XRCC4: variants seen among roughly 807,000 people sequenced by gnomAD.
The protein encoded by XRCC4 is X-ray repair cross complementing 4.
XRCC4 carries 28 observed loss-of-function variants against 39.1 expected under a neutral mutation model. That is an observed-to-expected ratio of 0.72 (90% confidence interval 0.53 to 0.98). The LOEUF is 0.98. XRCC4 is among the 50% of genes least tolerant of loss of function. The pLI is 0.00. For synonymous variants in XRCC4, 123 were observed against 126.4 expected (o/e 0.97, Z 0.18); for missense variants, 350 against 376.4 (o/e 0.93, Z 0.58).
At chr5:83,229,812 CA>C (rs1358235596) in intron 6 of XRCC4, among the ~76,000 whole-genome samples, 2 of 151,636 alleles carry the variant, frequency 1.3e-5, no homozygotes, top group African/African-American at 4.8e-5. Flanking sequence ...TTAAATACTG[CA>C]TGCACCATTT....
chr5:83,178,010 T>C (rs1750036801), intron 3 of XRCC4, among the ~76,000 whole-genome samples: 1 of 152,052 alleles, frequency 6.6e-6, no homozygotes, highest in Non-Finnish European at 1.5e-5. Flanking sequence ...TAATTGAGAT[T>C]GAGATAAGGG....
intron 3 of XRCC4, among the ~76,000 whole-genome samples, chr5:83,128,782 G>A (rs1322735337): frequency 6.6e-6 from 1 of 152,134 alleles, no homozygotes; most frequent in Non-Finnish European, 1.5e-5. Context: ...CTTTTGAGAA[G>A]TGTCTGTTCA....
chr5:83,294,597 G>A (rs139527432), intron 7 of XRCC4, among the ~76,000 whole-genome samples: 340 of 152,136 alleles, frequency 2.2e-3, no homozygotes, highest in Non-Finnish European at 3.8e-3. Context: ...GCCATTAGCA[G>A]CAAATTCTGT....
At chr5:83,101,409 T>C (rs1423540141) in intron 1 of XRCC4, among the ~76,000 whole-genome samples, 1 of 152,122 alleles carries the variant, frequency 6.6e-6, no homozygotes, top group Non-Finnish European at 1.5e-5. Context: ...GAAGTCAATC[T>C]GGGCAAGATT....
At chr5:83,215,718 G>A (rs1469448551) in intron 6 of XRCC4, among the ~76,000 whole-genome samples, 1 of 152,196 alleles carries the variant, frequency 6.6e-6, no homozygotes, top group Non-Finnish European at 1.5e-5. Flanking sequence ...AGACAATTTA[G>A]TGGGGAAAGG....
intron 7 of XRCC4, among the ~76,000 whole-genome samples, chr5:83,327,213 A>G (rs1756291522): frequency 6.6e-6 from 1 of 151,946 alleles, no homozygotes; most frequent in South Asian, 2.1e-4. Context: ...CTTTCCCCAC[A>G]CCCAGCCCTG....
chr5:83,082,851 G>A (rs1275837971), intron 1 of XRCC4, among the ~76,000 whole-genome samples: 1 of 151,948 alleles, frequency 6.6e-6, no homozygotes, highest in African/African-American at 2.4e-5. Flanking sequence ...TGCTCTACAT[G>A]ATCTGGTCTC....
intron 3 of XRCC4, among the ~76,000 whole-genome samples, chr5:83,119,278 G>A (rs1746883153): frequency 6.6e-6 from 1 of 152,168 alleles, no homozygotes. Context: ...TTTCAGGTCT[G>A]TGGGAATATG....
intron 3 of XRCC4, among the ~76,000 whole-genome samples, chr5:83,155,879 GT>G (rs1239194974): frequency 2.0e-5 from 3 of 151,870 alleles, no homozygotes; most frequent in African/African-American, 7.3e-5. Context: ...TATTTTAGAT[GT>G]TTTTTTCTCT....
At chr5:83,174,427 A>G (rs961179487) in intron 3 of XRCC4, among the ~76,000 whole-genome samples, 8 of 152,156 alleles carry the variant, frequency 5.3e-5, no homozygotes, top group African/African-American at 1.9e-4. Context: ...TATAGACTAT[A>G]TTGTCAGAGT....
chr5:83,265,452 G>T (rs902601534), intron 7 of XRCC4, among the ~76,000 whole-genome samples: 1 of 152,160 alleles, frequency 6.6e-6, no homozygotes, highest in Non-Finnish European at 1.5e-5. Flanking sequence ...TCAGGCTGCG[G>T]CTCTCACTTT....
chr5:83,093,522 G>A (rs1745528729), intron 1 of XRCC4, among the ~76,000 whole-genome samples: 1 of 152,164 alleles, frequency 6.6e-6, no homozygotes, highest in Non-Finnish European at 1.5e-5. Flanking sequence ...CTTCTCAAAT[G>A]TACACAGATC....
intron 3 of XRCC4, among the ~76,000 whole-genome samples, chr5:83,120,393 T>G (rs1746952887): frequency 6.6e-6 from 1 of 152,228 alleles, no homozygotes; most frequent in Admixed American, 6.5e-5. Context: ...ATAAAAGCAC[T>G]TTCAAGCCTC....
At chr5:83,168,793 G>T (rs1165281687) in intron 3 of XRCC4, among the ~76,000 whole-genome samples, 1 of 152,114 alleles carries the variant, frequency 6.6e-6, no homozygotes, top group East Asian at 1.9e-4. Context: ...TTTTAGAATT[G>T]AACATCAGCC....
At chr5:83,156,342 T>A (rs143053741) in intron 3 of XRCC4, among the ~76,000 whole-genome samples, 1 of 151,538 alleles carries the variant, frequency 6.6e-6, no homozygotes, top group Non-Finnish European at 1.5e-5. Context: ...AGGAGAAATA[T>A]GTTATTTAGA....
the XRCC4 span, among the ~76,000 whole-genome samples, chr5:83,366,787 CTT>C: frequency 6.6e-6 from 1 of 152,132 alleles, no homozygotes; most frequent in African/African-American, 2.4e-5. Context: ...AGCAGGAAAG[CTT>C]TCCCTTAGAT....
intron 1 of XRCC4, among the ~76,000 whole-genome samples, chr5:83,099,607 A>G (rs1285753808): frequency 6.6e-6 from 1 of 152,184 alleles, no homozygotes; most frequent in African/African-American, 2.4e-5. Context: ...ACAAAGTACT[A>G]AAGATAAGCT....
intron 3 of XRCC4, among the ~76,000 whole-genome samples, chr5:83,155,990 T>C (rs1010160017): frequency 6.6e-6 from 1 of 150,850 alleles, no homozygotes; most frequent in Non-Finnish European, 1.5e-5. Context: ...ACCAGTTCTC[T>C]GTCACAGAGC....
chr5:83,361,140 T>C, the XRCC4 span, among the ~76,000 whole-genome samples: 2 of 152,322 alleles, frequency 1.3e-5, no homozygotes, highest in East Asian at 1.9e-4. Context: ...AGAAATAAGA[T>C]GATGCACATA....
Sources: gnomAD v4.1 joint callset for allele counts (sites outside exome capture counted in the v4.1 genomes callset) on GRCh38, gnomAD v4.1.1 for gene constraint, MANE v1.5 for transcripts, NCBI Gene and HGNC (gene_info 2026-07-23, HGNC 2026-07-21) for gene names.